Variants in AKAP19 observed in about 807,000 individuals in gnomAD.
AKAP19 encodes the protein A-kinase anchoring protein 19.
At chr2:189,919,213 G>A in the AKAP19 span, among the ~76,000 whole-genome samples, 2 of 152,116 alleles carry the variant, frequency 1.3e-5, no homozygotes, top group Non-Finnish European at 2.9e-5. Context: ...AAGACAGAAA[G>A]CAGACGAGTA....
chr2:190,113,923 T>C, the AKAP19 span, among the ~76,000 whole-genome samples: 2 of 152,198 alleles, frequency 1.3e-5, no homozygotes, highest in Non-Finnish European at 2.9e-5. Flanking sequence ...GAAACTAGGA[T>C]AAGACACTGC....
chr2:189,957,317 A>T, the AKAP19 span, among the ~76,000 whole-genome samples: 1 of 152,238 alleles, frequency 6.6e-6, no homozygotes, highest in Non-Finnish European at 1.5e-5. Flanking sequence ...TATGCTATAC[A>T]TATATATTCC....
At chr2:189,979,894 G>A in the AKAP19 span, among the ~76,000 whole-genome samples, 14 of 152,220 alleles carry the variant, frequency 9.2e-5, no homozygotes, top group African/African-American at 3.1e-4. Context: ...AGTCAGAAAA[G>A]CTACTATTAA....
the AKAP19 span, among the ~76,000 whole-genome samples, chr2:190,044,732 A>C: frequency 1.3e-5 from 2 of 152,188 alleles, no homozygotes; most frequent in African/African-American, 2.4e-5. Context: ...CTAGTTGCCT[A>C]GGCCAGTCCC....
the AKAP19 span, chr2:190,201,489 T>C: frequency 1.2e-5 from 2 of 167,020 alleles, no homozygotes; most frequent in South Asian, 2.1e-4. Flanking sequence ...ACCATTGGTA[T>C]TGAAATATAA....
At chr2:189,918,617 A>G in the AKAP19 span, among the ~76,000 whole-genome samples, 3 of 152,338 alleles carry the variant, frequency 2.0e-5, no homozygotes, top group South Asian at 6.2e-4. Flanking sequence ...TTAAAGAGTT[A>G]AACATAATTA....
the AKAP19 span, among the ~76,000 whole-genome samples, chr2:189,897,772 TTC>T: frequency 6.6e-6 from 1 of 152,216 alleles, no homozygotes; most frequent in South Asian, 2.1e-4. Flanking sequence ...ATCTTCCAAC[TTC>T]TCTTTGTTTT....
the AKAP19 span, among the ~76,000 whole-genome samples, chr2:190,120,829 C>T: frequency 1.7e-4 from 26 of 152,254 alleles, no homozygotes; most frequent in Middle Eastern, 3.4e-3. Flanking sequence ...TCCCACACTT[C>T]CATGCAAAGC....
At chr2:190,055,615 C>G in the AKAP19 span, 1 of 152,134 alleles carries the variant, frequency 6.6e-6, no homozygotes, top group Admixed American at 6.5e-5. Context: ...AATTCCTCAA[C>G]CAAACTTTTG....
At chr2:190,131,286 T>C in the AKAP19 span, among the ~76,000 whole-genome samples, 3 of 152,196 alleles carry the variant, frequency 2.0e-5, no homozygotes, top group Non-Finnish European at 2.9e-5. Flanking sequence ...GAGCTTTCAC[T>C]CTTCTATTCC....
At chr2:189,913,018 C>A in the AKAP19 span, among the ~76,000 whole-genome samples, 1 of 152,086 alleles carries the variant, frequency 6.6e-6, no homozygotes, top group Non-Finnish European at 1.5e-5. Flanking sequence ...AAAGGATCTA[C>A]TGGGAGAAGA....
At chr2:190,101,407 C>G in the AKAP19 span, among the ~76,000 whole-genome samples, 1 of 152,164 alleles carries the variant, frequency 6.6e-6, no homozygotes, top group Non-Finnish European at 1.5e-5. Flanking sequence ...CTATCCTGCT[C>G]CCCTGAGAGG....
chr2:189,900,722 T>C, the AKAP19 span, among the ~76,000 whole-genome samples: 16 of 152,160 alleles, frequency 1.1e-4, no homozygotes, highest in Admixed American at 3.9e-4. Flanking sequence ...GCCAATGTCA[T>C]GTGGGCAGTA....
the AKAP19 span, among the ~76,000 whole-genome samples, chr2:189,985,813 G>A: frequency 4.9e-4 from 75 of 152,296 alleles, no homozygotes; most frequent in Middle Eastern, 3.4e-3. Context: ...TGCTAAGCTT[G>A]TGGTAATTTG....
chr2:190,010,402 A>G, the AKAP19 span, among the ~76,000 whole-genome samples: 1 of 152,166 alleles, frequency 6.6e-6, no homozygotes, highest in African/African-American at 2.4e-5. Context: ...ACAGTGGGAT[A>G]ATAGTCATCA....
chr2:190,038,602 C>T, the AKAP19 span, among the ~76,000 whole-genome samples: 1 of 152,212 alleles, frequency 6.6e-6, no homozygotes, highest in Non-Finnish European at 1.5e-5. Flanking sequence ...TTTGATCCCC[C>T]AAAAGGGAGC....
the AKAP19 span, among the ~76,000 whole-genome samples, chr2:190,105,142 A>T: frequency 1.3e-5 from 2 of 152,196 alleles, no homozygotes; most frequent in Non-Finnish European, 2.9e-5. Context: ...GTATATATCG[A>T]AAAGAAAAAT....
chr2:190,112,985 A>G, the AKAP19 span, among the ~76,000 whole-genome samples: 2 of 151,980 alleles, frequency 1.3e-5, no homozygotes, highest in African/African-American at 4.8e-5. Context: ...CCATTAGTCT[A>G]TTGAAGTTTC....
chr2:190,194,107 G>A, the AKAP19 span, among the ~76,000 whole-genome samples: 1 of 152,046 alleles, frequency 6.6e-6, no homozygotes, highest in Non-Finnish European at 1.5e-5. Flanking sequence ...ACTCTCTGGG[G>A]TGGTTAGAAA....
Sources: gnomAD v4.1 joint callset for allele counts (sites outside exome capture counted in the v4.1 genomes callset) on GRCh38, gnomAD v4.1.1 for gene constraint, MANE v1.5 for transcripts, NCBI Gene and HGNC (gene_info 2026-07-23, HGNC 2026-07-21) for gene names.